FNDC3B: variants seen among roughly 807,000 people sequenced by gnomAD.
FNDC3B encodes the protein fibronectin type III domain-containing protein 3B.
FNDC3B carries 12 observed loss-of-function variants against 151.5 expected under a neutral mutation model. That is an observed-to-expected ratio of 0.08 (90% CI 0.05 to 0.13). The LOEUF (loss-of-function observed/expected upper bound fraction) is 0.13, where lower values mean the gene tolerates loss of function less well. Among genes scored for constraint, FNDC3B ranks in the 10% least tolerant of loss-of-function variants. FNDC3B has a pLI of 1.00. For synonymous variants in FNDC3B, 528 were observed against 549.0 expected (o/e 0.96, Z 0.54); for missense variants, 1,214 against 1,505.3 (o/e 0.81, Z 3.20).
chr3:172,227,093 C>T (rs754485163), intron 4 of FNDC3B, 146 bp downstream of exon 4: 7 of 597,870 alleles, frequency 1.2e-5, no homozygotes, highest in African/African-American at 3.7e-5. Context: ...CACCACATGG[C>T]GTTTCTTGTG....
At chr3:172,047,203 CA>C (rs1245803129) in intron 1 of FNDC3B, among the ~76,000 whole-genome samples, 4 of 152,118 alleles carry the variant, frequency 2.6e-5, no homozygotes, top group African/African-American at 9.7e-5. Flanking sequence ...GATCTTTATA[CA>C]TGAACAAAGG....
chr3:172,352,800 T>C lies in FNDC3B; in HGVS notation c.2515-3T>C. 6.2e-7 allele frequency: 1 copy of C among 1,612,790 alleles called. No homozygotes were observed. Among genetic ancestry groups the C allele is most frequent in the Non-Finnish European group, 8.5e-7 (1 of 1,179,664 alleles). The stretch of plus-strand genomic sequence containing the variant: ...GCCTTTGTCTTGCTGTTCTGTTTTG[T>C]AGGCCTTCAATCAAGCAGGGGCAGG... On this transcript the variant is annotated splice_region_variant and splice_polypyrimidine_tract_variant and intron_variant, in intron 21 of 25. Coordinates refer to ENST00000415807, the MANE Select transcript of FNDC3B (RefSeq NM_022763.4). This position sits in a 1 kb window ranked among gnomAD's most constrained non-coding sequence, Gnocchi z 4.2.
chr3:172,166,572 G>A (rs1191316951), intron 3 of FNDC3B, among the ~76,000 whole-genome samples: 1 of 152,128 alleles, frequency 6.6e-6, no homozygotes, highest in African/African-American at 2.4e-5. Flanking sequence ...ACCATCTAAG[G>A]TAATAGCTAA....
chr3:172,123,651 T>C (rs536994607), intron 2 of FNDC3B, among the ~76,000 whole-genome samples: 2 of 152,320 alleles, frequency 1.3e-5, no homozygotes, highest in African/African-American at 4.8e-5. Flanking sequence ...TAATTTTTAA[T>C]TTTTGTTTTA....
chr3:172,143,734 C>T (rs533124152), intron 3 of FNDC3B, among the ~76,000 whole-genome samples: 4 of 151,926 alleles, frequency 2.6e-5, no homozygotes, highest in Non-Finnish European at 5.9e-5. Flanking sequence ...CATGGTGAAA[C>T]CTTGTCTCAA....
chr3:172,109,455 G>A (rs1576872125), intron 1 of FNDC3B, among the ~76,000 whole-genome samples: 2 of 150,538 alleles, frequency 1.3e-5, no homozygotes, highest in East Asian at 2.0e-4. Flanking sequence ...CGTGAGCCCC[G>A]CGCCCGGCCG....
chr3:172,292,738 G>A (rs1327211992), intron 7 of FNDC3B, among the ~76,000 whole-genome samples: 1 of 152,096 alleles, frequency 6.6e-6, no homozygotes, highest in Non-Finnish European at 1.5e-5. Flanking sequence ...CAAACTCTTT[G>A]TAACAAATTA....
At chr3:172,324,784 C>A (rs954021084) in intron 11 of FNDC3B, among the ~76,000 whole-genome samples, 1 of 152,168 alleles carries the variant, frequency 6.6e-6, no homozygotes, top group Non-Finnish European at 1.5e-5. Context: ...TAGGTCTGTT[C>A]CAGAATGATC....
At chr3:172,105,440 A>G (rs1034148399) in intron 1 of FNDC3B, among the ~76,000 whole-genome samples, 4 of 152,166 alleles carry the variant, frequency 2.6e-5, no homozygotes, top group African/African-American at 9.7e-5. Context: ...ATTGTTTTAC[A>G]AGAGTATGTA....
At chr3:172,269,497 T>A (rs1383876401) in intron 6 of FNDC3B, among the ~76,000 whole-genome samples, 1 of 151,676 alleles carries the variant, frequency 6.6e-6, no homozygotes, top group Non-Finnish European at 1.5e-5. Flanking sequence ...TTTGAACTCC[T>A]GGCCTCAAGT....
intron 1 of FNDC3B, among the ~76,000 whole-genome samples, chr3:172,071,560 T>G (rs1346999066): frequency 6.6e-6 from 1 of 152,190 alleles, no homozygotes; most frequent in Non-Finnish European, 1.5e-5. Flanking sequence ...TTAAAAATAG[T>G]GAAATAAAAT....
intron 6 of FNDC3B, among the ~76,000 whole-genome samples, chr3:172,277,988 C>T (rs1729520300): frequency 6.6e-6 from 1 of 152,164 alleles, no homozygotes; most frequent in African/African-American, 2.4e-5. Context: ...CTCTTGAGCC[C>T]TCTGGATTTG....
chr3:172,131,957 G>A (rs1721127934), intron 2 of FNDC3B, among the ~76,000 whole-genome samples: 1 of 152,000 alleles, frequency 6.6e-6, no homozygotes, highest in Non-Finnish European at 1.5e-5. Flanking sequence ...CCAGGCATGG[G>A]GCTAGATAGC....
intron 8 of FNDC3B, among the ~76,000 whole-genome samples, chr3:172,296,247 A>C (rs976073675): frequency 5.9e-5 from 9 of 152,202 alleles, no homozygotes; most frequent in African/African-American, 2.2e-4. Context: ...GCCCGTGCCC[A>C]GGGTAATAAT....
intron 3 of FNDC3B, among the ~76,000 whole-genome samples, chr3:172,163,639 A>G (rs1722882924): frequency 1.3e-5 from 2 of 152,084 alleles, no homozygotes; most frequent in African/African-American, 2.4e-5. Context: ...TTTCAAAGAT[A>G]TTGTGGGTAG....
intron 1 of FNDC3B, among the ~76,000 whole-genome samples, chr3:172,081,761 C>T (rs983774921): frequency 2.6e-5 from 4 of 152,058 alleles, no homozygotes; most frequent in South Asian, 4.2e-4. Flanking sequence ...GTTTGTCACT[C>T]GTCATACCTT....
intron 3 of FNDC3B, among the ~76,000 whole-genome samples, chr3:172,206,985 G>T (rs1725466061): frequency 6.6e-6 from 1 of 152,074 alleles, no homozygotes; most frequent in Admixed American, 6.5e-5. Flanking sequence ...TGCTTATTTT[G>T]TATGTATTGG....
intron 19 of FNDC3B, among the ~76,000 whole-genome samples, chr3:172,344,893 T>C (rs1218417882): frequency 2.0e-5 from 3 of 151,800 alleles, no homozygotes; most frequent in African/African-American, 7.3e-5. Context: ...GCAGTGGGAG[T>C]CCCAGTAACT....
intron 11 of FNDC3B, among the ~76,000 whole-genome samples, chr3:172,320,183 C>T (rs554053249): frequency 6.6e-6 from 1 of 152,188 alleles, no homozygotes; most frequent in South Asian, 2.1e-4. Context: ...AGTTTGAGAC[C>T]AGCCTGACCA....
Sources: gnomAD v4.1 joint callset for allele counts (sites outside exome capture counted in the v4.1 genomes callset) on GRCh38, gnomAD v4.1.1 for gene constraint, Gnocchi (gnomAD v3.1) non-coding constraint, MANE v1.5 for transcripts, NCBI Gene and HGNC (gene_info 2026-07-23, HGNC 2026-07-21) for gene names.